The following PDE9A variants were observed in gnomAD, a reference collection of about 807,000 sequenced individuals.
PDE9A encodes phosphodiesterase 9A.
In PDE9A, 60 loss-of-function variants were observed where a neutral mutation model predicts 87.4. The observed-to-expected ratio is 0.69, with a 90% CI of 0.56 to 0.85. The LOEUF is 0.85. PDE9A is among the 40% of genes least tolerant of loss of function. The pLI, the probability that PDE9A is intolerant of heterozygous loss-of-function variation, is 0.00. For synonymous variants in PDE9A, 272 were observed against 279.4 expected (o/e 0.97, Z 0.27); for missense variants, 665 against 779.0 (o/e 0.85, Z 1.74).
chr21:42,687,568 GACAA>G (rs767527638), intron 2 of PDE9A, among the ~76,000 whole-genome samples: 9 of 152,118 alleles, frequency 5.9e-5, no homozygotes, highest in Non-Finnish European at 1.2e-4. Flanking sequence ...GAAGCGGAAA[GACAA>G]ACTATGAGTT....
chr21:42,765,241 G>T (rs2056283460), intron 14 of PDE9A, 140 bp from the exon 15 acceptor site: 3 of 574,804 alleles, frequency 5.2e-6, no homozygotes, highest in Non-Finnish European at 6.3e-6. Flanking sequence ...TGGACAAATG[G>T]ATGGGTGATG....
At chr21:42,662,147 TTG>T in intron 1 of PDE9A, among the ~76,000 whole-genome samples, 1 of 152,146 alleles carries the variant, frequency 6.6e-6, no homozygotes, top group Non-Finnish European at 1.5e-5. Flanking sequence ...GTTATCATTT[TTG>T]TTTGTTTATT....
At chr21:42,698,944 GC>G in intron 3 of PDE9A, 23 bp from the exon 4 acceptor site, 1 of 1,602,286 alleles carries the variant, frequency 6.2e-7, no homozygotes, top group Non-Finnish European at 8.5e-7. Context: ...GAGTCTCACA[GC>G]GGCACTGTCT....
At chr21:42,762,696 AT>A (rs1001553346) in intron 14 of PDE9A, among the ~76,000 whole-genome samples, 109 of 150,468 alleles carry the variant, frequency 7.2e-4, no homozygotes, top group African/African-American at 2.4e-3. Context: ...CCTTTTATTT[AT>A]TTTTTTTTCT....
intron 7 of PDE9A, among the ~76,000 whole-genome samples, chr21:42,736,853 G>T (rs9977337): frequency 0.023 from 3,493 of 152,232 alleles, 148 homozygotes; most frequent in African/African-American, 0.08. Flanking sequence ...CATCCTCCCC[G>T]GGCACTTCTG....
chr21:42,744,645 G>A (rs2053654981), intron 8 of PDE9A, among the ~76,000 whole-genome samples: 2 of 152,176 alleles, frequency 1.3e-5, no homozygotes, highest in African/African-American at 4.8e-5. Context: ...CTTCACAGGC[G>A]CTTCGGGGGG....
At chr21:42,663,647 C>T (rs1460192585) in intron 1 of PDE9A, among the ~76,000 whole-genome samples, 5 of 152,234 alleles carry the variant, frequency 3.3e-5, no homozygotes, top group Admixed American at 2.6e-4. Context: ...CTCTTGGGGG[C>T]GGGGTGCCAC....
chr21:42,670,374 A>ATT (rs2058423029), intron 1 of PDE9A, among the ~76,000 whole-genome samples: 1 of 109,604 alleles, frequency 9.1e-6, no homozygotes, highest in Admixed American at 7.8e-5. Context: ...ACACATTCAC[A>ATT]CACATTCACA....
rs1307841142 is a variant in PDE9A at position 42,758,870 on chromosome 21, G to C, written c.811-129G>C. The stretch of plus-strand genomic sequence containing the variant: ...AGGCTTTGCTCTCCAGGGACTTTCT[G>C]GGAGGGGGAGAACCCACCTCCTGCC... On this transcript the variant is annotated intron_variant, in intron 10 of 19. Transcript: ENST00000291539. 6.2e-6 allele frequency: 4 copies of C among 649,318 alleles called. No individual in the cohort carries two copies. In the South Asian group the frequency reaches 7.2e-5, roughly 12 times the overall value. The allele number at this position is 649,318 out of a possible 1,614,324, so 40.2% of individuals were successfully genotyped here.
intron 4 of PDE9A, among the ~76,000 whole-genome samples, chr21:42,703,144 G>A (rs541870862): frequency 2.0e-5 from 3 of 152,316 alleles, no homozygotes; most frequent in South Asian, 2.1e-4. Context: ...AGACCCATCC[G>A]GGGCTTCTTT....
At chr21:42,708,618 G>C (rs947604184) in intron 4 of PDE9A, among the ~76,000 whole-genome samples, 1 of 152,178 alleles carries the variant, frequency 6.6e-6, no homozygotes, top group African/African-American at 2.4e-5. Flanking sequence ...GCAGTGGCGC[G>C]ATCTCGGCTC....
At chr21:42,701,184 G>A (rs1002750650) in intron 4 of PDE9A, 1 of 152,036 alleles carries the variant, frequency 6.6e-6, no homozygotes, top group Admixed American at 6.5e-5. Context: ...AATAAATACT[G>A]ATAAATACAT....
chr21:42,764,831 C>A (rs141913346), intron 14 of PDE9A, among the ~76,000 whole-genome samples: 69 of 152,096 alleles, frequency 4.5e-4, no homozygotes, highest in Middle Eastern at 3.4e-3. Context: ...ACAAGTGATC[C>A]CCCCAAAAAA....
intron 3 of PDE9A, among the ~76,000 whole-genome samples, chr21:42,688,581 G>C (rs1020417179): frequency 3.3e-5 from 5 of 152,214 alleles, no homozygotes; most frequent in African/African-American, 4.8e-5. Context: ...ACCTGCCCCT[G>C]TTCCTGGTGA....
intron 4 of PDE9A, among the ~76,000 whole-genome samples, chr21:42,701,406 A>G (rs1374274992): frequency 1.3e-5 from 2 of 151,190 alleles, no homozygotes; most frequent in African/African-American, 4.8e-5. Flanking sequence ...CTTTTGTCTG[A>G]AAAAGCTTTT....
chr21:42,683,915 GGGCGAGGA>G (rs1396905872), intron 1 of PDE9A, among the ~76,000 whole-genome samples: 1 of 152,162 alleles, frequency 6.6e-6, no homozygotes, highest in East Asian at 1.9e-4. Context: ...GGGCGGGGTG[GGGCGAGGA>G]CTTTATAAAG....
intron 7 of PDE9A, chr21:42,741,198 C>A (rs1215283253): frequency 3.3e-5 from 5 of 152,258 alleles, no homozygotes; most frequent in Non-Finnish European, 7.3e-5. Context: ...GGCAAATCCA[C>A]AGGGCATGGG....
chr21:42,743,871 C>T lies in PDE9A; in HGVS notation c.653+11C>T, dbSNP rs762779681. 78 of 1,538,268 alleles carry T rather than the reference C, an allele frequency of 5.1e-5. No homozygotes were observed. In the African/African-American group the frequency reaches 7.1e-4, roughly 14 times the overall value. ...GGCCAGAAGCAGCAGGTAGGGTCTG[C>T]GCTGGGGCCACGGGCGGCCGGGCCT... On this transcript the variant is annotated intron_variant, in intron 8 of 19. Transcript: ENST00000291539.
At chr21:42,680,325 C>T (rs2059101849) in intron 1 of PDE9A, among the ~76,000 whole-genome samples, 1 of 152,266 alleles carries the variant, frequency 6.6e-6, no homozygotes, top group Admixed American at 6.5e-5. Flanking sequence ...GCTCCAGTCC[C>T]CTTGGCCATG....
Sources: allele counts gnomAD v4.1 joint callset (sites outside exome capture counted in the v4.1 genomes callset), GRCh38; gene constraint gnomAD v4.1.1; transcripts MANE v1.5; gene names NCBI Gene and HGNC (gene_info 2026-07-23, HGNC 2026-07-21).